ABLIM1: variants seen among roughly 807,000 people sequenced by gnomAD.
The protein encoded by ABLIM1 is actin binding LIM protein 1.
Under a neutral mutation model 107.0 loss-of-function variants are expected in ABLIM1, and 40 were observed. That is an observed-to-expected ratio of 0.37 (90% CI 0.29 to 0.49). The LOEUF (loss-of-function observed/expected upper bound fraction) is 0.49, where lower values mean the gene tolerates loss of function less well. Ranked by LOEUF, ABLIM1 falls within the 20% of genes least tolerant of loss-of-function variation. The pLI, the probability that ABLIM1 is intolerant of heterozygous loss-of-function variation, is 0.97. For synonymous variants in ABLIM1, 357 were observed against 357.3 expected (o/e 1.00, Z 0.01); for missense variants, 857 against 1,008.5 (o/e 0.85, Z 2.04).
At chr10:114,661,067 A>G (rs575400726), upstream of ABLIM1, among the ~76,000 whole-genome samples, 12 of 152,302 alleles carry the variant, frequency 7.9e-5, no homozygotes, top group African/African-American at 1.9e-4. Flanking sequence ...ACAGATCCAT[A>G]TATTTAGTTC....
intron 6 of ABLIM1, among the ~76,000 whole-genome samples, chr10:114,520,949 C>A (rs983087946): frequency 1.3e-5 from 2 of 152,066 alleles, no homozygotes; most frequent in Admixed American, 6.6e-5. Flanking sequence ...GTGCTCCAGT[C>A]TGGACAACAG....
At chr10:114,582,287 C>T (rs1050949979) in intron 2 of ABLIM1, among the ~76,000 whole-genome samples, 2 of 151,828 alleles carry the variant, frequency 1.3e-5, no homozygotes, top group Non-Finnish European at 2.9e-5. Context: ...ACAAAAACAC[C>T]GAGGAATCCA....
At chr10:114,463,092 G>T in intron 12 of ABLIM1, 1 of 1,337,318 alleles carries the variant, frequency 7.5e-7, no homozygotes, top group Non-Finnish European at 9.9e-7. Context: ...GTTGGGGCGG[G>T]AGTCGCTGTG....
chr10:114,492,866 T>C (rs1252279204), intron 6 of ABLIM1, among the ~76,000 whole-genome samples: 1 of 152,236 alleles, frequency 6.6e-6, no homozygotes, highest in Non-Finnish European at 1.5e-5. Context: ...TTTCTCATAC[T>C]TTCCTGTAAA....
chr10:114,610,552 G>A (rs760476088), intron 1 of ABLIM1: 3 of 152,166 alleles, frequency 2.0e-5, no homozygotes, highest in Non-Finnish European at 2.9e-5. Context: ...GTGCTAGACC[G>A]GCACTAGTAT....
intron 6 of ABLIM1, among the ~76,000 whole-genome samples, chr10:114,501,491 T>C (rs184493705): frequency 2.6e-4 from 39 of 152,354 alleles, no homozygotes; most frequent in Admixed American, 1.4e-3. Context: ...CGAGCCTTCA[T>C]ATTTCACAGT....
the ABLIM1 span, among the ~76,000 whole-genome samples, chr10:114,780,614 G>A: frequency 1.3e-5 from 2 of 152,058 alleles, no homozygotes; most frequent in Admixed American, 1.3e-4. Context: ...TAAACACCTT[G>A]GTTTTGGTTT....
intron 1 of ABLIM1, among the ~76,000 whole-genome samples, chr10:114,720,077 T>C (rs755389146): frequency 2.0e-5 from 3 of 152,280 alleles, no homozygotes; most frequent in African/African-American, 4.8e-5. Context: ...CCTGTGTCCC[T>C]GTGCTCTCAT....
intron 22 of ABLIM1, 57 bp downstream of exon 22, chr10:114,437,787 G>A: frequency 7.0e-7 from 1 of 1,426,124 alleles, no homozygotes; most frequent in Non-Finnish European, 9.9e-7. Context: ...TTAGGGGAGA[G>A]TTGGGGGAGT....
chr10:114,637,067 A>C (rs2078519349), intron 1 of ABLIM1, among the ~76,000 whole-genome samples: 1 of 138,912 alleles, frequency 7.2e-6, no homozygotes. Context: ...AAGAGTGTGG[A>C]GGTTTGCAGA....
chr10:114,576,703 C>A (rs1460756693), intron 2 of ABLIM1, among the ~76,000 whole-genome samples: 2 of 152,170 alleles, frequency 1.3e-5, no homozygotes, highest in Non-Finnish European at 2.9e-5. Context: ...TCACTAACTA[C>A]AAGCTACGGA....
At chr10:114,468,321 C>G in intron 10 of ABLIM1, 105 bp from the exon 11 acceptor site, 1 of 1,119,574 alleles carries the variant, frequency 8.9e-7, no homozygotes, top group South Asian at 1.3e-5. Flanking sequence ...GTCGCCCAGG[C>G]TGGAGTGCAG....
At chr10:114,460,902 C>A (rs2063748524) in intron 12 of ABLIM1, among the ~76,000 whole-genome samples, 1 of 152,154 alleles carries the variant, frequency 6.6e-6, no homozygotes, top group Admixed American at 6.5e-5. Context: ...GTTATTTGGA[C>A]AAACTGTGTA....
At chr10:114,767,314 C>T (rs2082919362) in intron 1 of ABLIM1, among the ~76,000 whole-genome samples, 1 of 152,274 alleles carries the variant, frequency 6.6e-6, no homozygotes, top group Middle Eastern at 3.4e-3. Context: ...TCTTTAAATG[C>T]TTACGGCAAA....
intron 6 of ABLIM1, among the ~76,000 whole-genome samples, chr10:114,500,582 C>T (rs553525104): frequency 1.2e-4 from 17 of 146,572 alleles, no homozygotes; most frequent in African/African-American, 3.8e-4. Flanking sequence ...GGGGAGGCTG[C>T]GGTGGGAGGA....
intron 1 of ABLIM1, among the ~76,000 whole-genome samples, chr10:114,664,935 G>A (rs1476164642): frequency 6.6e-6 from 1 of 151,160 alleles, no homozygotes; most frequent in Non-Finnish European, 1.5e-5. Flanking sequence ...TGGCTAACAA[G>A]GTGAAACCCC....
chr10:114,772,547 C>T (rs191999659), upstream of ABLIM1, among the ~76,000 whole-genome samples: 548 of 152,200 alleles, frequency 3.6e-3, 2 homozygotes, highest in Non-Finnish European at 5.6e-3. Context: ...ATTGAGGCTG[C>T]GGTGAGCTAT....
chr10:114,495,274 G>A (rs2059514907), intron 6 of ABLIM1, among the ~76,000 whole-genome samples: 1 of 152,116 alleles, frequency 6.6e-6, no homozygotes. Flanking sequence ...ATTTCTTTTG[G>A]AGCTGTGACA....
upstream of ABLIM1, chr10:114,658,281 C>G (rs183587315): frequency 2.0e-5 from 30 of 1,521,530 alleles, no homozygotes; most frequent in East Asian, 6.1e-4. Context: ...TCTCTGTTCC[C>G]CTGGCTCCTT....
Sources: allele counts gnomAD v4.1 joint callset (sites outside exome capture counted in the v4.1 genomes callset), GRCh38; gene constraint gnomAD v4.1.1; transcripts MANE v1.5; gene names NCBI Gene and HGNC (gene_info 2026-07-23, HGNC 2026-07-21).